The following BTD variants were observed in gnomAD, a reference collection of about 807,000 sequenced individuals.
BTD encodes biotinidase.
Under a neutral mutation model 17.7 loss-of-function variants are expected in BTD, and 13 were observed. The ratio of observed to expected loss-of-function variants is 0.74; its 90% CI spans 0.48 to 1.17. The LOEUF (loss-of-function observed/expected upper bound fraction) is 1.17, where lower values mean the gene tolerates loss of function less well. Among genes scored for constraint, BTD ranks in the 50% most tolerant of loss-of-function variants. The probability of loss-of-function intolerance (pLI) is 0.00; values close to 1 mark genes in which losing one functional copy is unlikely to be tolerated. For synonymous variants in BTD, 240 were observed against 245.2 expected, an observed-to-expected ratio of 0.98 and a Z score of 0.20; for missense variants, 674 against 650.4, an observed-to-expected ratio of 1.04 and a Z score of -0.39.
chr3:15,715,041 T>A (rs924968855), downstream of BTD, among the ~76,000 whole-genome samples: 14 of 152,164 alleles, frequency 9.2e-5, no homozygotes, highest in Non-Finnish European at 1.6e-4. Flanking sequence ...TGGATACATT[T>A]AAAAAAATAA....
At chr3:15,662,920 C>T (rs558529618) in intron 3 of BTD, among the ~76,000 whole-genome samples, 106 of 144,210 alleles carry the variant, frequency 7.4e-4, no homozygotes, top group South Asian at 2.3e-3. Flanking sequence ...TCCTAGTTTA[C>T]TGAGAATTTT....
At chr3:15,604,602 C>T (rs2064386947) in intron 1 of BTD, among the ~76,000 whole-genome samples, 1 of 152,196 alleles carries the variant, frequency 6.6e-6, no homozygotes, top group Non-Finnish European at 1.5e-5. Flanking sequence ...TTGAATTTCT[C>T]CCTAGAAAAT....
chr3:15,638,805 G>A lies in BTD; in HGVS notation c.250-3103G>A, dbSNP rs553714440. Among the ~76,000 whole-genome samples the A allele has an allele frequency of 5.8e-4, 89 of 152,332 alleles. 1 individual carries two copies. Among genetic ancestry groups the A allele is most frequent in the Admixed American group, 5.8e-3 (89 of 15,298 alleles). Reference sequence around the variant, plus strand: ...ATATGGTATGGCCCATTGTTCCTAGGCTATAAACCTTTACAGCATATTACT... The same window carrying A: ...ATATGGTATGGCCCATTGTTCCTAGACTATAAACCTTTACAGCATATTACT... On this transcript the variant is annotated intron_variant, in intron 2 of 3. Transcript: ENST00000643237.
intron 2 of BTD, among the ~76,000 whole-genome samples, chr3:15,638,662 C>G (rs2065422963): frequency 6.6e-6 from 1 of 152,200 alleles, no homozygotes; most frequent in Non-Finnish European, 1.5e-5. Context: ...TCATGCATTG[C>G]TTAATGACAG....
intron 3 of BTD, among the ~76,000 whole-genome samples, chr3:15,661,119 A>C (rs1031810170): frequency 1.3e-5 from 2 of 151,910 alleles, no homozygotes; most frequent in African/African-American, 4.8e-5. Flanking sequence ...TACAAAAATT[A>C]GCCGGGCGTG....
intron 3 of BTD, among the ~76,000 whole-genome samples, chr3:15,695,741 G>A (rs1211318601): frequency 6.6e-6 from 1 of 152,106 alleles, no homozygotes; most frequent in Non-Finnish European, 1.5e-5. Context: ...GTTAGGAGGG[G>A]TTGTGAAATA....
chr3:15,696,515 C>G (rs1468538025), intron 3 of BTD, among the ~76,000 whole-genome samples: 1 of 151,940 alleles, frequency 6.6e-6, no homozygotes, highest in Non-Finnish European at 1.5e-5. Flanking sequence ...TGAAGGCTAT[C>G]TTTTACACAG....
rs2065726568 is a variant in BTD, at chr3:15,647,656, G to T, written c.*2168G>T. On this transcript the variant is annotated 3_prime_UTR_variant, in exon 4 of 4. Coordinates refer to ENST00000643237, the MANE Select transcript of BTD (RefSeq NM_001370658.1). Reference sequence around the variant, plus strand: ...GGAAAAAATATATCTATGACTAATGGTTGTGATTATGTTTTTGTCGATTGT... The same window carrying T: ...GGAAAAAATATATCTATGACTAATGTTTGTGATTATGTTTTTGTCGATTGT... 1 of 152,236 alleles carries T rather than the reference G, an allele frequency of 6.6e-6. No individual in the cohort carries two copies. The highest frequency in any genetic ancestry group is 2.4e-5 in the African/African-American group (1 of 41,454). 9.4% of individuals were successfully genotyped at this position (152,236 alleles called of 1,614,324 possible). A position where few individuals can be genotyped will look rare whatever the true frequency, so the allele number is the denominator to read the frequency against.
At chr3:15,712,304 T>G (rs1233110572) in exon 4 of BTD, 2 of 1,162,408 alleles carry the variant, frequency 1.7e-6, no homozygotes, top group East Asian at 5.2e-5. Flanking sequence ...AAGAGACCAC[T>G]TAAGTGAAAG....
rs148868322 is a variant in BTD at position 15,647,569 on chromosome 3, T to G, written c.*2081T>G. ...GGTAGAACAAAGTAATTTTTACAAT[T>G]AAAAGAAGTAGCTGCCAGATGACAG... is the stretch of plus-strand genomic sequence containing the variant. On this transcript the variant is annotated 3_prime_UTR_variant, in exon 4 of 4. Coordinates refer to ENST00000643237, the MANE Select transcript of BTD (RefSeq NM_001370658.1). 2 of 152,112 alleles carry G rather than the reference T, an allele frequency of 1.3e-5. No individual in the cohort carries two copies. Among genetic ancestry groups the G allele is most frequent in the African/African-American group, 4.8e-5 (2 of 41,406 alleles). 9.4% of individuals were successfully genotyped at this position (152,112 alleles called of 1,614,324 possible).
chr3:15,688,926 G>A (rs2068463823), intron 3 of BTD, among the ~76,000 whole-genome samples: 1 of 152,212 alleles, frequency 6.6e-6, no homozygotes, highest in Admixed American at 6.5e-5. Context: ...TGTATCACTT[G>A]TTAAATGAAA....
rs1206454889 is a variant in BTD, at chr3:15,650,640, C to T, written c.*5152C>T. ...CATGACTTCTAGGCTTCATCTGCCC[C>T]TCTCAGCAGCTCTAGAGAAGAAGCT... On this transcript the variant is annotated 3_prime_UTR_variant, in exon 4 of 4. Transcript: ENST00000643237. Among the ~76,000 whole-genome samples, 1 of 152,212 alleles carries T rather than the reference C, an allele frequency of 6.6e-6. No homozygotes were observed. The highest frequency in any genetic ancestry group is 1.5e-5 in the Non-Finnish European group (1 of 68,034).
chr3:15,710,645 C>T (rs1375644555), exon 4 of BTD, among the ~76,000 whole-genome samples: 1 of 152,168 alleles, frequency 6.6e-6, no homozygotes, highest in Non-Finnish European at 1.5e-5. Flanking sequence ...TCTAAATTAT[C>T]AGAAGCATTA....
At chr3:15,709,695 T>A (rs757026370) in intron 3 of BTD, 19 of 1,584,448 alleles carry the variant, frequency 1.2e-5, no homozygotes. Flanking sequence ...TTTATTAAAG[T>A]CTGCACCAGT....
intron 3 of BTD, among the ~76,000 whole-genome samples, chr3:15,662,965 A>C (rs1317869405): frequency 6.8e-6 from 1 of 146,676 alleles, no homozygotes; most frequent in Non-Finnish European, 1.5e-5. Flanking sequence ...TAGTATCTTG[A>C]TTTGCTGAGA....
At chr3:15,608,439 A>T (rs890645853) in intron 1 of BTD, among the ~76,000 whole-genome samples, 18 of 152,164 alleles carry the variant, frequency 1.2e-4, no homozygotes, top group African/African-American at 4.1e-4. Flanking sequence ...ATGTTGTGCT[A>T]TGAGGATGTA....
At chr3:15,700,420 G>A (rs563374978) in intron 3 of BTD, among the ~76,000 whole-genome samples, 2 of 151,300 alleles carry the variant, frequency 1.3e-5, no homozygotes, top group South Asian at 2.1e-4. Flanking sequence ...AAACCTGCAC[G>A]TTGTGCACAT....
chr3:15,637,034 C>T (rs763887914), intron 2 of BTD, among the ~76,000 whole-genome samples: 6 of 152,086 alleles, frequency 3.9e-5, no homozygotes, highest in Non-Finnish European at 7.4e-5. Context: ...TCAGCCTCCC[C>T]GTAACTGCCA....
At chr3:15,636,507 G>T (rs190804247) in intron 2 of BTD, among the ~76,000 whole-genome samples, 1 of 152,178 alleles carries the variant, frequency 6.6e-6, no homozygotes, top group South Asian at 2.1e-4. Context: ...ACACAAACCC[G>T]AAGGGAAGTT....
Sources: allele counts gnomAD v4.1 joint callset (sites outside exome capture counted in the v4.1 genomes callset), GRCh38; gene constraint gnomAD v4.1.1; transcripts MANE v1.5; gene names NCBI Gene and HGNC (gene_info 2026-07-23, HGNC 2026-07-21).